The following DIP2B variants were observed in gnomAD, a reference collection of about 807,000 sequenced individuals.
DIP2B encodes the protein disco-interacting protein 2 homolog B.
DIP2B carries 76 observed loss-of-function variants against 198.0 expected under a neutral mutation model. That is an observed-to-expected ratio of 0.38 (90% CI 0.32 to 0.46). DIP2B has a LOEUF of 0.46. Ranked by LOEUF, DIP2B falls within the 20% of genes least tolerant of loss-of-function variation. The pLI is 0.99. For synonymous variants in DIP2B, 701 were observed against 739.1 expected (o/e 0.95, Z 0.84); for missense variants, 1,559 against 1,978.4 (o/e 0.79, Z 4.02).
chr12:50,514,452 T>A (rs1958046307), intron 1 of DIP2B, among the ~76,000 whole-genome samples: 1 of 152,166 alleles, frequency 6.6e-6, no homozygotes, highest in Non-Finnish European at 1.5e-5. Flanking sequence ...CTCATCTGTA[T>A]CAGTTCCACC....
chr12:50,557,227 TGAA>T (rs1404053001), intron 1 of DIP2B, among the ~76,000 whole-genome samples: 2 of 152,234 alleles, frequency 1.3e-5, no homozygotes, highest in Non-Finnish European at 2.9e-5. Flanking sequence ...TTATAGGACT[TGAA>T]GAAGCAAATG....
chr12:50,735,163 G>A, intron 34 of DIP2B, 33 bp downstream of exon 34: 2 of 1,612,740 alleles, frequency 1.2e-6, no homozygotes, highest in East Asian at 4.5e-5. Context: ...GGGAAGGTGG[G>A]CTGTGTGGAG....
intron 1 of DIP2B, among the ~76,000 whole-genome samples, chr12:50,559,570 G>A (rs2139395718): frequency 6.6e-6 from 1 of 152,002 alleles, no homozygotes; most frequent in South Asian, 2.1e-4. Flanking sequence ...GCAAGATCTG[G>A]TCTCCACAAA....
chr12:50,641,075 G>A (rs547714157), intron 3 of DIP2B, among the ~76,000 whole-genome samples: 39 of 152,276 alleles, frequency 2.6e-4, no homozygotes, highest in East Asian at 1.2e-3. Context: ...GACTGTTTCC[G>A]GCTGGGCGAT....
chr12:50,673,153 C>A (rs1364602249), intron 5 of DIP2B, among the ~76,000 whole-genome samples: 1 of 152,206 alleles, frequency 6.6e-6, no homozygotes, highest in Non-Finnish European at 1.5e-5. Context: ...ACCACATTAT[C>A]CTACAGAAAG....
intron 1 of DIP2B, among the ~76,000 whole-genome samples, chr12:50,613,278 CTATATGGATTAATG>C (rs1959046799): frequency 6.6e-6 from 1 of 152,102 alleles, no homozygotes; most frequent in South Asian, 2.1e-4. Flanking sequence ...GTTTTGAGGA[CTATATGGATTAATG>C]TATGTGATTG....
intron 6 of DIP2B, 44 bp from the exon 7 acceptor site, chr12:50,675,285 C>A (rs1353030403): frequency 5.6e-6 from 9 of 1,598,720 alleles, no homozygotes; most frequent in Non-Finnish European, 7.7e-6. Context: ...CTAAAATATC[C>A]TTACAGTCAA....
chr12:50,551,055 A>C (rs1293270353), intron 1 of DIP2B, among the ~76,000 whole-genome samples: 1 of 152,060 alleles, frequency 6.6e-6, no homozygotes, highest in African/African-American at 2.4e-5. Context: ...GCACAACTGC[A>C]CTCCAGCCTG....
At chr12:50,619,626 T>G (rs1179032574) in intron 1 of DIP2B, among the ~76,000 whole-genome samples, 3 of 152,222 alleles carry the variant, frequency 2.0e-5, no homozygotes, top group Non-Finnish European at 4.4e-5. Context: ...CTCTGCGACA[T>G]AATTGTCCCC....
chr12:50,686,378 A>T (rs1218284364), intron 11 of DIP2B, among the ~76,000 whole-genome samples, 195 bp from the exon 12 acceptor site: 1 of 152,240 alleles, frequency 6.6e-6, no homozygotes, highest in Non-Finnish European at 1.5e-5. Context: ...TGGAATTAGC[A>T]TGTGGAACGA....
rs1938991576 is a variant in DIP2B, at chr12:50,678,841, A to G, written c.1079A>G (p.Asp360Gly). ...QAKCSCLTAL[D>G]MTGKPVYTLT... is the part of the protein sequence containing the mutation. Reference sequence around the variant, plus strand: ...AAATGCTCCTGTCTGACTGCACTGGACATGACAGGGAAACCAGTTTACACT... The same window carrying G: ...AAATGCTCCTGTCTGACTGCACTGGGCATGACAGGGAAACCAGTTTACACT... Residue 360 changes from aspartate (D) to glycine (G), a missense_variant, in exon 8 of 38, where the codon GAC (aspartate) becomes GGC (glycine). Asp to Gly is a moderately conservative substitution (Grantham distance 94). Transcript: ENST00000301180. The G allele has an allele frequency of 6.2e-7, 1 of 1,614,102 alleles. No individual in the cohort carries two copies. Among genetic ancestry groups the G allele is most frequent in the South Asian group, 1.1e-5 (1 of 91,084 alleles).
intron 28 of DIP2B, 147 bp from the exon 29 acceptor site, chr12:50,727,556 A>G (rs1366711030): frequency 4.3e-6 from 3 of 696,522 alleles, no homozygotes; most frequent in Non-Finnish European, 7.6e-6. Context: ...TAAGAATGAC[A>G]TATGTGAGCT....
At chr12:50,723,423 T>C in intron 27 of DIP2B, 100 bp downstream of exon 27, 1 of 1,528,418 alleles carries the variant, frequency 6.5e-7, no homozygotes, top group Non-Finnish European at 8.9e-7. Context: ...AAGTCAGGAA[T>C]TCAAATTTGT....
intron 35 of DIP2B, among the ~76,000 whole-genome samples, chr12:50,737,713 A>C (rs906987294): frequency 1.3e-5 from 2 of 151,906 alleles, no homozygotes; most frequent in African/African-American, 4.8e-5. Context: ...GGCCTTCCCA[A>C]GTAGCTGGGA....
At chr12:50,524,192 G>A (rs756017141) in intron 1 of DIP2B, among the ~76,000 whole-genome samples, 1 of 152,112 alleles carries the variant, frequency 6.6e-6, no homozygotes, top group Non-Finnish European at 1.5e-5. Context: ...TTCTTTCCAT[G>A]CCGAGTCACT....
chr12:50,708,368 C>T lies in DIP2B; in HGVS notation c.2535-80C>T, dbSNP rs190780327. On this transcript the variant is annotated intron_variant, in intron 21 of 37. Coordinates refer to ENST00000301180, the MANE Select transcript of DIP2B (RefSeq NM_173602.3). ...TTGGGTAGCATGGTGGGGTTGTCTC[C>T]TCTCTGTAATTCCAGTTAAACAAAA... The T allele has an allele frequency of 2.1e-3, 2,770 of 1,315,788 alleles. 3 individuals carry two copies. Among genetic ancestry groups the T allele is most frequent in the Non-Finnish European group, 2.6e-3 (2,444 of 935,772 alleles). 81.5% of individuals were successfully genotyped at this position (1,315,788 alleles called of 1,614,324 possible).
rs1939301436 is a variant in DIP2B, at chr12:50,695,832, CT to C, written c.1814-11del. On this transcript the variant is annotated splice_polypyrimidine_tract_variant and intron_variant, in intron 15 of 37. Coordinates refer to ENST00000301180, the MANE Select transcript of DIP2B (RefSeq NM_173602.3). ...ATTTATTGTGTATGTTAACTTCATC[CT>C]TTTTGAATTTATAGCCAAGGTAGCT... is the stretch of plus-strand genomic sequence containing the variant. 6.2e-7 allele frequency: 1 copy of C among 1,613,658 alleles called. No individual in the cohort carries two copies.
At chr12:50,597,609 G>A (rs1958889657) in intron 1 of DIP2B, among the ~76,000 whole-genome samples, 1 of 152,174 alleles carries the variant, frequency 6.6e-6, no homozygotes, top group African/African-American at 2.4e-5. Context: ...GGATCTGGGG[G>A]AGTTTGAGAG....
At chr12:50,525,678 A>G (rs914982022) in intron 1 of DIP2B, among the ~76,000 whole-genome samples, 2 of 151,784 alleles carry the variant, frequency 1.3e-5, no homozygotes, top group Admixed American at 6.6e-5. Flanking sequence ...ACACCTTGCT[A>G]ATTTTTTTAT....
Sources: allele counts gnomAD v4.1 joint callset (sites outside exome capture counted in the v4.1 genomes callset), GRCh38; gene constraint gnomAD v4.1.1; transcripts MANE v1.5; gene names NCBI Gene and HGNC (gene_info 2026-07-23, HGNC 2026-07-21).